SLC38A12: variants seen among roughly 807,000 people sequenced by gnomAD.
SLC38A12 encodes the protein putative sodium-coupled neutral amino acid transporter 12.
chr17:74,792,081 G>A, the SLC38A12 span, among the ~76,000 whole-genome samples: 1 of 151,998 alleles, frequency 6.6e-6, no homozygotes, highest in Non-Finnish European at 1.5e-5. Flanking sequence ...TGGAGGCGGA[G>A]CTTGCAGTGA....
the SLC38A12 span, among the ~76,000 whole-genome samples, chr17:74,805,475 G>A: frequency 2.0e-5 from 3 of 152,196 alleles, no homozygotes; most frequent in African/African-American, 4.8e-5. The surrounding 1 kb of genome is among the most constrained non-coding windows in gnomAD (Gnocchi z 5.0). Flanking sequence ...ACCCCGCAGC[G>A]TGCCAGCTCC....
At chr17:74,823,356 G>A in the SLC38A12 span, among the ~76,000 whole-genome samples, 5 of 152,244 alleles carry the variant, frequency 3.3e-5, no homozygotes, top group East Asian at 3.8e-4. Flanking sequence ...AAATGAGGCC[G>A]GAGGAGACTG....
At chr17:74,788,170 C>CT in the SLC38A12 span, among the ~76,000 whole-genome samples, 5 of 152,186 alleles carry the variant, frequency 3.3e-5, no homozygotes, top group African/African-American at 9.7e-5. Flanking sequence ...CTAATGCCAC[C>CT]TCCCAATCTC....
At chr17:74,792,143 C>T in the SLC38A12 span, among the ~76,000 whole-genome samples, 2 of 137,232 alleles carry the variant, frequency 1.5e-5, no homozygotes, top group East Asian at 4.4e-4. Flanking sequence ...GAGACTCCGT[C>T]TCAAAAAAAA....
the SLC38A12 span, chr17:74,839,472 G>A: frequency 4.5e-6 from 1 of 221,414 alleles, no homozygotes; most frequent in Non-Finnish European, 9.0e-6. Context: ...CCACTGGAAA[G>A]CTGGAGAGAG....
the SLC38A12 span, among the ~76,000 whole-genome samples, chr17:74,834,359 G>A: frequency 2.0e-5 from 3 of 152,050 alleles, no homozygotes; most frequent in Non-Finnish European, 4.4e-5. Context: ...GGACTGGAGC[G>A]GGCGGTGAGA....
chr17:74,819,916 G>A, the SLC38A12 span: 23 of 1,365,502 alleles, frequency 1.7e-5, no homozygotes, highest in Middle Eastern at 1.8e-4. Context: ...ATGAGAGGCC[G>A]TGCAGGGCCC....
chr17:74,817,387 G>A, the SLC38A12 span, among the ~76,000 whole-genome samples: 1 of 152,172 alleles, frequency 6.6e-6, no homozygotes, highest in Admixed American at 6.5e-5. Context: ...TGCAGCCATT[G>A]GCCAGATCTT....
chr17:74,827,369 C>G, the SLC38A12 span, among the ~76,000 whole-genome samples: 1 of 151,452 alleles, frequency 6.6e-6, no homozygotes, highest in East Asian at 1.9e-4. This position sits in a 1 kb window ranked among gnomAD's most constrained non-coding sequence, Gnocchi z 4.7. Flanking sequence ...AATCTCGGCT[C>G]ACTCCAACCT....
At chr17:74,790,719 G>T in the SLC38A12 span, among the ~76,000 whole-genome samples, 5 of 151,084 alleles carry the variant, frequency 3.3e-5, no homozygotes, top group Non-Finnish European at 7.4e-5. Flanking sequence ...GCTGGGTTAG[G>T]CTCTGACGCC....
the SLC38A12 span, among the ~76,000 whole-genome samples, chr17:74,779,634 T>A: frequency 6.6e-6 from 1 of 152,226 alleles, no homozygotes; most frequent in Non-Finnish European, 1.5e-5. Flanking sequence ...TCACTGCTGA[T>A]GCTGGCTGCT....
At chr17:74,790,840 C>T in the SLC38A12 span, 114 of 824,132 alleles carry the variant, frequency 1.4e-4, no homozygotes, top group African/African-American at 1.7e-3. Flanking sequence ...AAAGTTTTCT[C>T]GAGTTTGGAC....
At chr17:74,812,000 C>G in the SLC38A12 span, among the ~76,000 whole-genome samples, 5 of 151,640 alleles carry the variant, frequency 3.3e-5, no homozygotes, top group Non-Finnish European at 5.9e-5. Context: ...GAGCTATGAT[C>G]GCACCACTGC....
chr17:74,830,046 C>G, the SLC38A12 span, among the ~76,000 whole-genome samples: 10 of 152,196 alleles, frequency 6.6e-5, no homozygotes, highest in Non-Finnish European at 1.5e-4. Flanking sequence ...TCTGATCTTT[C>G]TGTCCCTGCC....
the SLC38A12 span, chr17:74,788,931 G>T: frequency 6.7e-7 from 1 of 1,488,872 alleles, no homozygotes; most frequent in Non-Finnish European, 9.2e-7. Context: ...CCAGCAGGCG[G>T]TCTCAGCAGC....
the SLC38A12 span, chr17:74,836,323 T>A: frequency 6.2e-7 from 1 of 1,613,046 alleles, no homozygotes; most frequent in South Asian, 1.1e-5. This position sits in a 1 kb window ranked among gnomAD's most constrained non-coding sequence, Gnocchi z 4.2. Context: ...GCCGTGACCC[T>A]GCGCAACAAC....
At chr17:74,834,035 C>T in the SLC38A12 span, among the ~76,000 whole-genome samples, 2 of 152,126 alleles carry the variant, frequency 1.3e-5, no homozygotes, top group Non-Finnish European at 2.9e-5. Flanking sequence ...TCTGCTCTCT[C>T]CCCGGTACCC....
chr17:74,790,306 G>A, the SLC38A12 span: 2 of 1,613,348 alleles, frequency 1.2e-6, no homozygotes, highest in South Asian at 2.2e-5. Flanking sequence ...CGTAAGTCTT[G>A]GGGTTCTCGC....
chr17:74,813,480 T>TTTTTG, the SLC38A12 span, among the ~76,000 whole-genome samples: 15 of 151,208 alleles, frequency 9.9e-5, no homozygotes, highest in East Asian at 3.9e-4. Context: ...TCTTGTGGGT[T>TTTTTG]TTTTGTTTTG....
Sources: allele counts gnomAD v4.1 joint callset (sites outside exome capture counted in the v4.1 genomes callset), GRCh38; gene constraint gnomAD v4.1.1; non-coding constraint Gnocchi (gnomAD v3.1); transcripts MANE v1.5; gene names NCBI Gene and HGNC (gene_info 2026-07-23, HGNC 2026-07-21).